SLC22A5: variants seen among roughly 807,000 people sequenced by gnomAD.
SLC22A5 encodes the protein solute carrier family 22 member 5.
A neutral mutation model predicts 56.7 loss-of-function variants in SLC22A5; 44 were observed. That is an observed-to-expected ratio of 0.78 (90% CI 0.61 to 1.00). The LOEUF is 1.00. Among genes scored for constraint, SLC22A5 ranks in the 50% least tolerant of loss-of-function variants. The pLI is 0.00. For missense variants in SLC22A5, 675 were observed against 723.0 expected (o/e 0.93, Z 0.76); for synonymous variants, 278 against 292.1 (o/e 0.95, Z 0.49).
intron 2 of SLC22A5, chr5:132,379,790 AT>A (rs755711246): frequency 2.6e-5 from 4 of 151,950 alleles, no homozygotes; most frequent in Admixed American, 6.6e-5. Context: ...GCCCAGCCAG[AT>A]TTTTTTTTAA....
In SLC22A5 at chr5:132,395,516, C is replaced by T. The variant is rs184494469; in HGVS notation, c.*1244C>T. The stretch of plus-strand genomic sequence containing the variant: ...CATGGTACTCCTAAAGCATATGCCT[C>T]ACCTGGTTAAAAAAGAACAAACATG... On this transcript the variant is annotated 3_prime_UTR_variant, in exon 10 of 10. Transcript: ENST00000245407. The T allele has an allele frequency of 1.8e-4, 28 of 152,886 alleles. No individual in the cohort carries two copies. Among genetic ancestry groups the T allele is most frequent in the Middle Eastern group, 3.4e-3 (1 of 294 alleles). 9.5% of individuals were successfully genotyped at this position (152,886 alleles called of 1,614,324 possible).
intron 1 of SLC22A5, chr5:132,377,106 T>C (rs1008401249): frequency 6.6e-6 from 1 of 152,350 alleles, no homozygotes; most frequent in Non-Finnish European, 1.5e-5. Flanking sequence ...TTCACGCTTA[T>C]TCCAAAGCGG....
In SLC22A5 at chr5:132,369,917, A is replaced by T; in HGVS notation, c.-56A>T. On this transcript the variant is annotated 5_prime_UTR_variant, in exon 1 of 10. Coordinates refer to ENST00000245407, the MANE Select transcript of SLC22A5 (RefSeq NM_003060.4). ...CGGCGGGTGCCCCGCGCGCACGCGC[A>T]AAGCCCGCCGCGTTCCCCGACCCCA... 6.3e-7 allele frequency: 1 copy of T among 1,599,974 alleles called. No homozygotes were observed.
At chr5:132,374,583 G>T (rs1752065531) in intron 1 of SLC22A5, among the ~76,000 whole-genome samples, 1 of 152,128 alleles carries the variant, frequency 6.6e-6, no homozygotes, top group African/African-American at 2.4e-5. Context: ...CCAGCCTTTT[G>T]CAGCTATATG....
intron 7 of SLC22A5, among the ~76,000 whole-genome samples, chr5:132,392,045 G>T (rs1752718939): frequency 6.6e-6 from 1 of 152,216 alleles, no homozygotes. Flanking sequence ...AGCATGAAAT[G>T]AGTTAGAACT....
intron 5 of SLC22A5, 114 bp from the exon 6 acceptor site, chr5:132,388,807 T>C: frequency 1.3e-6 from 1 of 774,308 alleles, no homozygotes; most frequent in Non-Finnish European, 2.3e-6. Flanking sequence ...AACGTAACAC[T>C]CCCCGACGCT....
At chr5:132,372,240 G>T (rs1489541152) in intron 1 of SLC22A5, among the ~76,000 whole-genome samples, 1 of 152,180 alleles carries the variant, frequency 6.6e-6, no homozygotes, top group Non-Finnish European at 1.5e-5. Context: ...CTCACAGGTG[G>T]GTGTGTTACC....
Position 132,394,380 on chromosome 5 carries a change from TC to T in SLC22A5, c.*110del. 3 of 870,672 alleles carry T rather than the reference TC, an allele frequency of 3.4e-6. No individual in the cohort carries two copies. In the South Asian group the frequency reaches 4.0e-5, roughly 12 times the overall value. The allele number at this position is 870,672 out of a possible 1,614,324, so 53.9% of individuals were successfully genotyped here. A position where few individuals can be genotyped will look rare whatever the true frequency, so the allele number is the denominator to read the frequency against. ...AGTGACAAAAGGCCTTTGCTGTTTG[TC>T]CTCTTGACCTGTGTCTGACTTGCTC... is the stretch of plus-strand genomic sequence containing the variant. On this transcript the variant is annotated 3_prime_UTR_variant, in exon 10 of 10. Coordinates refer to ENST00000245407, the MANE Select transcript of SLC22A5 (RefSeq NM_003060.4).
In SLC22A5 at chr5:132,370,219, C is replaced by A; in HGVS notation, c.247C>A (p.Arg83Ser). The A allele has an allele frequency of 6.3e-7, 1 of 1,586,986 alleles. No individual in the cohort carries two copies. The highest frequency in any genetic ancestry group is 1.1e-5 in the South Asian group (1 of 88,630). ...CCGCGAGGTGCCCCACAGCTGCCGCCGCTACCGGCTCGCCACCATCGCCAA... is the reference window on the plus strand; with the variant it reads ...CCGCGAGGTGCCCCACAGCTGCCGCAGCTACCGGCTCGCCACCATCGCCAA... ...DGREVPHSCR[R>S]YRLATIANFS... The change falls in exon 1 of 10, where the codon CGC becomes AGC. Residue 83 changes from arginine to serine, a missense_variant. Arg to Ser is a moderately radical substitution (Grantham distance 110). Coordinates refer to ENST00000245407, the MANE Select transcript of SLC22A5 (RefSeq NM_003060.4).
At position 132,384,195 on chromosome 5, in the gene SLC22A5, C is replaced by T. The variant is rs1329903175; in HGVS notation, c.546C>T (p.Gly182=). Residue 182 remains glycine (G), a synonymous_variant, in exon 3 of 10, where the codon GGC becomes GGT. Coordinates refer to ENST00000245407, the MANE Select transcript of SLC22A5 (RefSeq NM_003060.4). ...VLFVTMGMQT[G]FSFLQIFSKN... ...TCGTGACCATGGGCATGCAGACAGG[C>T]TTCAGCTTCCTGCAGATCTTCTCGA... 2 of 1,614,062 alleles carry T rather than the reference C, an allele frequency of 1.2e-6. No individual in the cohort carries two copies. The highest frequency in any genetic ancestry group is 1.3e-5 in the African/African-American group (1 of 74,946).
intron 3 of SLC22A5, 65 bp from the exon 4 acceptor site, chr5:132,385,263 A>G: frequency 2.2e-6 from 3 of 1,394,900 alleles, no homozygotes; most frequent in Non-Finnish European, 3.1e-6. Context: ...CAAAGATACC[A>G]TAAAAAATTA....
In SLC22A5 at chr5:132,390,806, C is replaced by T. The variant is rs1752671467; in HGVS notation, c.1169C>T (p.Ala390Val). ...AMVEVPAYVL[A>V]WLLLQYLPRR... ...GTTGAAGTCCCAGCATATGTGTTGG[C>T]CTGGCTGCTGCTGCAATATTTGCCC... Residue 390 changes from alanine (A) to valine (V), a missense_variant, in exon 7 of 10, where the codon GCC (alanine) becomes GTC (valine). By Grantham distance (64) the Ala-to-Val change is moderately conservative. Coordinates refer to ENST00000245407, the MANE Select transcript of SLC22A5 (RefSeq NM_003060.4). The T allele has an allele frequency of 3.1e-6, 5 of 1,614,046 alleles. No individual in the cohort carries two copies.
chr5:132,388,358 TG>T (rs1752599516), intron 5 of SLC22A5, among the ~76,000 whole-genome samples: 2 of 152,224 alleles, frequency 1.3e-5, no homozygotes, highest in Admixed American at 1.3e-4. Flanking sequence ...TTTAGACGTG[TG>T]GTTTATTAAT....
chr5:132,374,234 AAAAG>A (rs1752052780), intron 1 of SLC22A5, among the ~76,000 whole-genome samples: 1 of 151,732 alleles, frequency 6.6e-6, no homozygotes, highest in African/African-American at 2.4e-5. Flanking sequence ...AAAAAAAAGA[AAAAG>A]AAAAGAAACT....
In SLC22A5 at chr5:132,378,447, T is replaced by C. The variant is rs777136671; in HGVS notation, c.463T>C (p.Leu155=). 10 of 1,614,104 alleles carry C rather than the reference T, an allele frequency of 6.2e-6. No homozygotes were observed. The highest frequency in any genetic ancestry group is 8.5e-6 in the Non-Finnish European group (10 of 1,180,034). The stretch of plus-strand genomic sequence containing the variant: ...CTCCTTGTTCTTCGTGGGTGTGCTG[T>C]TGGGCTCCTTCATTTCAGGGCAGCT... ...TISLFFVGVL[L]GSFISGQLSD... is the part of the protein sequence containing the mutation. Residue 155 remains leucine (L), a synonymous_variant, in exon 2 of 10, where the codon TTG becomes CTG. Transcript: ENST00000245407.
intron 2 of SLC22A5, chr5:132,380,972 A>G (rs1752328020): frequency 6.6e-6 from 1 of 152,082 alleles, no homozygotes; most frequent in Admixed American, 6.6e-5. Context: ...GGATTGTGCT[A>G]TGCTTAGAGG....
intron 2 of SLC22A5, chr5:132,383,169 C>T (rs573966357): frequency 1.4e-4 from 22 of 152,330 alleles, no homozygotes; most frequent in African/African-American, 5.1e-4. Context: ...ATTACAGCAT[C>T]CTCTCTCTCT....
intron 2 of SLC22A5, chr5:132,383,795 A>T (rs1031130322): frequency 2.1e-5 from 6 of 291,178 alleles, no homozygotes; most frequent in Non-Finnish European, 2.6e-5. Flanking sequence ...ATTTATAATG[A>T]ATTGTTTCTC....
chr5:132,370,600 C>G (rs1345914445), intron 1 of SLC22A5, among the ~76,000 whole-genome samples: 2 of 152,212 alleles, frequency 1.3e-5, no homozygotes, highest in Admixed American at 6.5e-5. Context: ...GCCTCCCGTC[C>G]TGATGGCCAC....
Sources: allele counts gnomAD v4.1 joint callset (sites outside exome capture counted in the v4.1 genomes callset), GRCh38; gene constraint gnomAD v4.1.1; transcripts MANE v1.5; gene names NCBI Gene and HGNC (gene_info 2026-07-23, HGNC 2026-07-21).